SLC25A21: variants seen among roughly 807,000 people sequenced by gnomAD.
SLC25A21 encodes solute carrier family 25 member 21.
Under a neutral mutation model 43.8 loss-of-function variants are expected in SLC25A21, and 47 were observed. The ratio of observed to expected loss-of-function variants is 1.07; its 90% CI spans 0.85 to 1.37. The LOEUF (loss-of-function observed/expected upper bound fraction) is 1.37. Among genes scored for constraint, SLC25A21 ranks in the 40% most tolerant of loss-of-function variants. The probability of loss-of-function intolerance (pLI) is 0.00; values close to 1 mark genes in which losing one functional copy is unlikely to be tolerated. For synonymous variants in SLC25A21, 131 were observed against 121.3 expected (o/e 1.08, Z -0.52); for missense variants, 352 against 350.2 (o/e 1.00, Z -0.04).
intron 1 of SLC25A21, among the ~76,000 whole-genome samples, chr14:37,144,331 C>T (rs8012664): frequency 0.061 from 9,330 of 152,194 alleles, 453 homozygotes; most frequent in African/African-American, 0.13. Flanking sequence ...AAATGTTATG[C>T]AATTTAACAC....
At chr14:36,950,306 T>C (rs1013573123) in intron 1 of SLC25A21, among the ~76,000 whole-genome samples, 69 of 152,338 alleles carry the variant, frequency 4.5e-4, no homozygotes, top group African/African-American at 1.4e-3. Context: ...CTAATCCTAA[T>C]GTGACTACAT....
At chr14:36,791,795 A>ACC (rs567254400) in intron 3 of SLC25A21, among the ~76,000 whole-genome samples, 36 of 152,170 alleles carry the variant, frequency 2.4e-4, no homozygotes, top group Non-Finnish European at 4.6e-4. Context: ...TGGTGAGAAA[A>ACC]TGATGTGATA....
intron 7 of SLC25A21, among the ~76,000 whole-genome samples, chr14:36,692,662 G>A (rs1237061926): frequency 6.6e-6 from 1 of 152,204 alleles, no homozygotes; most frequent in Non-Finnish European, 1.5e-5. Context: ...AGAAGAAGGA[G>A]GTTAAGGAAG....
intron 3 of SLC25A21, among the ~76,000 whole-genome samples, chr14:36,740,137 G>A (rs924938885): frequency 3.3e-5 from 5 of 152,126 alleles, no homozygotes; most frequent in African/African-American, 7.2e-5. Flanking sequence ...GCCTTAAATC[G>A]AAATTCTTAA....
chr14:36,711,512 A>G, intron 6 of SLC25A21, 30 bp from the exon 7 acceptor site: 1 of 1,609,258 alleles, frequency 6.2e-7, no homozygotes, highest in Non-Finnish European at 8.5e-7. Flanking sequence ...GGCCAGAATG[A>G]TCATCTTTGG....
chr14:36,943,668 G>C (rs1020334687), intron 1 of SLC25A21, among the ~76,000 whole-genome samples: 14 of 152,188 alleles, frequency 9.2e-5, no homozygotes, highest in African/African-American at 3.1e-4. Context: ...CCTTGTGAAA[G>C]TCTGGGGAAA....
chr14:36,963,370 T>C (rs1157704378), intron 1 of SLC25A21, among the ~76,000 whole-genome samples: 2 of 152,196 alleles, frequency 1.3e-5, no homozygotes, highest in East Asian at 3.9e-4. Flanking sequence ...CTGAACAGCA[T>C]GTTAGCAAAG....
At chr14:36,993,738 T>A (rs1462766877) in intron 1 of SLC25A21, among the ~76,000 whole-genome samples, 1 of 152,104 alleles carries the variant, frequency 6.6e-6, no homozygotes, top group Non-Finnish European at 1.5e-5. Flanking sequence ...CACAGCTGTC[T>A]GCATAGAAAA....
At chr14:36,838,391 T>A (rs953775661) in intron 2 of SLC25A21, among the ~76,000 whole-genome samples, 54 of 152,352 alleles carry the variant, frequency 3.5e-4, no homozygotes, top group Non-Finnish European at 1.2e-4. Context: ...GGGGTCTTTG[T>A]GAAGCACACT....
At chr14:36,951,284 A>G (rs924548772) in intron 1 of SLC25A21, among the ~76,000 whole-genome samples, 2 of 152,034 alleles carry the variant, frequency 1.3e-5, no homozygotes, top group Non-Finnish European at 2.9e-5. Flanking sequence ...AAAGCAATCA[A>G]TTCTGTTTAG....
intron 3 of SLC25A21, among the ~76,000 whole-genome samples, chr14:36,808,681 C>T (rs1024932056): frequency 3.9e-5 from 6 of 152,036 alleles, no homozygotes; most frequent in Admixed American, 1.3e-4. Context: ...CTTCAGTTAC[C>T]TTATACAAAA....
chr14:36,793,849 T>C (rs751477547), intron 3 of SLC25A21, among the ~76,000 whole-genome samples: 1 of 149,056 alleles, frequency 6.7e-6, no homozygotes, highest in Non-Finnish European at 1.5e-5. Flanking sequence ...GTTCTTTTTA[T>C]ACAATGAAAC....
At chr14:37,072,818 C>G (rs905866200) in intron 1 of SLC25A21, among the ~76,000 whole-genome samples, 1 of 152,212 alleles carries the variant, frequency 6.6e-6, no homozygotes. Context: ...AGGAAACAAT[C>G]TAGCAGGCTT....
chr14:36,936,291 G>C (rs1199126302), intron 1 of SLC25A21, among the ~76,000 whole-genome samples: 1 of 152,120 alleles, frequency 6.6e-6, no homozygotes, highest in African/African-American at 2.4e-5. Flanking sequence ...ATCTCATTAG[G>C]ATTTGTGAAG....
chr14:36,826,162 A>C (rs1888824949), intron 2 of SLC25A21, among the ~76,000 whole-genome samples: 1 of 152,154 alleles, frequency 6.6e-6, no homozygotes, highest in South Asian at 2.1e-4. Flanking sequence ...TAGCATTCAA[A>C]CATTAATAAC....
At chr14:36,771,397 A>G (rs554044424) in intron 3 of SLC25A21, among the ~76,000 whole-genome samples, 1 of 152,266 alleles carries the variant, frequency 6.6e-6, no homozygotes, top group African/African-American at 2.4e-5. Context: ...TGCAAAGTAC[A>G]ACTCCTTCCA....
Position 37,099,978 on chromosome 14 carries a change from T to A in SLC25A21, c.70+72303A>T, listed in dbSNP as rs186786876. On this transcript the variant is annotated intron_variant, in intron 1 of 9. Transcript: ENST00000331299. ...GCCTTGCTAGCAGTTCTTCACATCC[T>A]CCTCTCCCTGGCAATTTCTATTCAT... 1.8e-3 allele frequency among the ~76,000 whole-genome samples: 280 copies of A among 152,264 alleles called. 1 individual carries two copies. The highest frequency in any genetic ancestry group is 6.7e-3 in the African/African-American group (277 of 41,550).
chr14:36,739,549 A>G (rs1045253428), intron 3 of SLC25A21, among the ~76,000 whole-genome samples: 1 of 152,040 alleles, frequency 6.6e-6, no homozygotes, highest in Non-Finnish European at 1.5e-5. Flanking sequence ...GTGGTGGTGC[A>G]CGCATGTAGT....
intron 3 of SLC25A21, among the ~76,000 whole-genome samples, chr14:36,796,490 A>G (rs1887678392): frequency 6.6e-6 from 1 of 151,876 alleles, no homozygotes; most frequent in Non-Finnish European, 1.5e-5. Context: ...AGTTCAACAA[A>G]CTTTTGTTGA....
Sources: gnomAD v4.1 joint callset for allele counts (sites outside exome capture counted in the v4.1 genomes callset) on GRCh38, gnomAD v4.1.1 for gene constraint, MANE v1.5 for transcripts, NCBI Gene and HGNC (gene_info 2026-07-23, HGNC 2026-07-21) for gene names.